The following SPHKAP variants were observed in gnomAD, a reference collection of about 807,000 sequenced individuals.
SPHKAP encodes the protein A-kinase anchor protein SPHKAP.
In SPHKAP, 67 loss-of-function variants were observed where a neutral mutation model predicts 137.5. That is an observed-to-expected ratio of 0.49 (90% CI 0.40 to 0.60). The LOEUF is 0.60. Ranked by LOEUF, SPHKAP falls within the 20% of genes least tolerant of loss-of-function variation. The pLI is 0.00. For missense variants in SPHKAP, 2,097 were observed against 2,069.3 expected (o/e 1.01, Z -0.26); for synonymous variants, 813 against 785.3 (o/e 1.04, Z -0.59).
At chr2:227,984,106 C>T (rs552198152) in intron 11 of SPHKAP, among the ~76,000 whole-genome samples, 1 of 152,136 alleles carries the variant, frequency 6.6e-6, no homozygotes, top group African/African-American at 2.4e-5. Flanking sequence ...CGAGACCAGC[C>T]TGACCAATGT....
intron 2 of SPHKAP, among the ~76,000 whole-genome samples, chr2:228,115,123 A>G (rs1297910159): frequency 6.6e-6 from 1 of 152,134 alleles, no homozygotes; most frequent in Non-Finnish European, 1.5e-5. Flanking sequence ...TATTCCTTAT[A>G]GTTTGCTCAT....
chr2:227,984,774 A>G (rs1406571196), intron 11 of SPHKAP, among the ~76,000 whole-genome samples: 1 of 152,152 alleles, frequency 6.6e-6, no homozygotes, highest in East Asian at 1.9e-4. Flanking sequence ...CTGAGGTCTC[A>G]CTGGGAGAGG....
At chr2:228,001,794 C>T (rs1693915406) in intron 7 of SPHKAP, among the ~76,000 whole-genome samples, 1 of 151,892 alleles carries the variant, frequency 6.6e-6, no homozygotes, top group African/African-American at 2.4e-5. Flanking sequence ...TGTTCAATTC[C>T]CACCTATGAG....
intron 3 of SPHKAP, among the ~76,000 whole-genome samples, chr2:228,054,366 A>T (rs891838898): frequency 4.6e-5 from 7 of 152,116 alleles, no homozygotes; most frequent in Admixed American, 1.3e-4. Context: ...GAAGAGCAAA[A>T]TTTAAGAAAA....
At chr2:228,170,282 A>G (rs1053318770) in intron 1 of SPHKAP, among the ~76,000 whole-genome samples, 1 of 152,148 alleles carries the variant, frequency 6.6e-6, no homozygotes, top group African/African-American at 2.4e-5. Context: ...TGAAATGACC[A>G]CAAAGAGTTT....
intron 3 of SPHKAP, among the ~76,000 whole-genome samples, chr2:228,085,781 T>C (rs1280586916): frequency 3.9e-5 from 6 of 152,174 alleles, no homozygotes; most frequent in African/African-American, 2.4e-5. Context: ...GAAGTTGGAC[T>C]CCATGTATTA....
chr2:228,058,369 C>A (rs2106283098), intron 3 of SPHKAP, among the ~76,000 whole-genome samples: 1 of 152,260 alleles, frequency 6.6e-6, no homozygotes, highest in South Asian at 2.1e-4. Context: ...GCCATTATAC[C>A]TGCATTATAA....
At position 228,018,226 on chromosome 2, in the gene SPHKAP, C is replaced by T; in HGVS notation, c.2628G>A (p.Glu876=). 6.2e-7 allele frequency: 1 copy of T among 1,614,126 alleles called. No homozygotes were observed. Among genetic ancestry groups the T allele is most frequent in the South Asian group, 1.1e-5 (1 of 91,072 alleles). Residue 876 remains glutamate, a synonymous_variant, in exon 7 of 12, where the codon GAG becomes GAA. Transcript: ENST00000392056. ...SQSRSGSQEA[E]ESIHPNTQEK... is the part of the protein sequence containing the mutation. ...CTTGGGTGTTTGGGTGGATACTCTC[C>T]TCAGCCTCCTGGGAACCACTTCTGG... is the stretch of plus-strand genomic sequence containing the variant.
In SPHKAP at chr2:228,011,929, G is replaced by A. The variant is rs143825647; in HGVS notation, c.4448+4477C>T. Among the ~76,000 whole-genome samples, 601 of 152,168 alleles carry A rather than the reference G, an allele frequency of 3.9e-3. 4 individuals carry two copies. Among genetic ancestry groups the A allele is most frequent in the African/African-American group, 0.014 (562 of 41,516 alleles). ...ACCTGTACTACCAGCACTTTGGGAGGCTGAGGTGGCAGGATCACTTGAGCC... is the reference window on the plus strand; with the variant it reads ...ACCTGTACTACCAGCACTTTGGGAGACTGAGGTGGCAGGATCACTTGAGCC... On this transcript the variant is annotated intron_variant, in intron 7 of 11. Coordinates refer to ENST00000392056, the MANE Select transcript of SPHKAP (RefSeq NM_001142644.2).
At chr2:228,063,170 ATCTATCTGTCTG>A (rs920047533) in intron 3 of SPHKAP, among the ~76,000 whole-genome samples, 3 of 139,440 alleles carry the variant, frequency 2.2e-5, no homozygotes, top group African/African-American at 9.3e-5. Context: ...CTATCTATCT[ATCTATCTGTCTG>A]TCTGTCTGTC....
At chr2:228,169,741 T>C (rs1700528491) in intron 1 of SPHKAP, 1 of 152,018 alleles carries the variant, frequency 6.6e-6, no homozygotes, top group Non-Finnish European at 1.5e-5. Context: ...AAAGTACATT[T>C]TGTGCTTGCT....
intron 3 of SPHKAP, among the ~76,000 whole-genome samples, chr2:228,066,307 G>A (rs1696826435): frequency 6.6e-6 from 1 of 152,116 alleles, no homozygotes; most frequent in African/African-American, 2.4e-5. Flanking sequence ...ATAAGCCTGT[G>A]TTCTGAAACT....
At chr2:227,997,227 A>G (rs1478606883) in intron 7 of SPHKAP, among the ~76,000 whole-genome samples, 1 of 152,134 alleles carries the variant, frequency 6.6e-6, no homozygotes, top group Non-Finnish European at 1.5e-5. Flanking sequence ...AACCCTAATC[A>G]CTATTTAACA....
rs1015170601 is a variant in SPHKAP at position 228,167,873 on chromosome 2, T to C, written c.32+13694A>G. ...GTACTAAATATTTTAAAGTTTCTAC[T>C]GTATGATTTAATTCATTGTAATATC... On this transcript the variant is annotated intron_variant, in intron 1 of 11. Transcript: ENST00000392056. Among the ~76,000 whole-genome samples, 4 of 152,164 alleles carry C rather than the reference T, an allele frequency of 2.6e-5. No individual in the cohort carries two copies. The East Asian group carries it at 7.7e-4, about 29-fold the overall frequency.
At chr2:228,078,993 G>A (rs577459316) in intron 3 of SPHKAP, among the ~76,000 whole-genome samples, 5 of 152,254 alleles carry the variant, frequency 3.3e-5, no homozygotes, top group African/African-American at 1.2e-4. Context: ...CAGTGTTTGG[G>A]CCTCTGCATT....
At chr2:227,997,748 G>A (rs1693688731) in intron 7 of SPHKAP, among the ~76,000 whole-genome samples, 1 of 152,138 alleles carries the variant, frequency 6.6e-6, no homozygotes, top group Non-Finnish European at 1.5e-5. Context: ...TGGTGAAATG[G>A]AAGGCTTCCT....
Position 228,019,376 on chromosome 2 carries a change from T to A in SPHKAP, c.1478A>T (p.Gln493Leu). Residue 493 changes from glutamine (Q) to leucine (L), a missense_variant, in exon 7 of 12, where the codon CAG becomes CTG. Physicochemically the swap from Gln to Leu is moderately radical, Grantham distance 113. Transcript: ENST00000392056. ...LSGENSSRQP[Q>L]SALEVALACA... The stretch of plus-strand genomic sequence containing the variant: ...AGCTAACGCCACTTCTAGAGCACTC[T>A]GGGGTTGTCTGCTGGAGTTCTCTCC... The A allele has an allele frequency of 6.2e-7, 1 of 1,614,146 alleles. No individual in the cohort carries two copies.
intron 2 of SPHKAP, among the ~76,000 whole-genome samples, chr2:228,113,690 A>T (rs1698601145): frequency 7.4e-6 from 1 of 135,186 alleles, no homozygotes; most frequent in African/African-American, 2.8e-5. Context: ...TCCAGTCCTG[A>T]CTCCTTGTTA....
At chr2:227,984,844 G>A (rs564155536) in intron 11 of SPHKAP, among the ~76,000 whole-genome samples, 19 of 152,218 alleles carry the variant, frequency 1.2e-4, no homozygotes, top group African/African-American at 4.6e-4. Context: ...TAGTCTTGGT[G>A]CCTCCTTTCA....
Sources: allele counts gnomAD v4.1 joint callset (sites outside exome capture counted in the v4.1 genomes callset), GRCh38; gene constraint gnomAD v4.1.1; transcripts MANE v1.5; gene names NCBI Gene and HGNC (gene_info 2026-07-23, HGNC 2026-07-21).